GUCY1A2: variants seen among roughly 807,000 people sequenced by gnomAD.
GUCY1A2 encodes guanylate cyclase soluble subunit alpha-2.
In GUCY1A2, 27 loss-of-function variants were observed where a neutral mutation model predicts 63.5. The ratio of observed to expected loss-of-function variants is 0.43; its 90% CI spans 0.31 to 0.59. The LOEUF (loss-of-function observed/expected upper bound fraction) is 0.59. GUCY1A2 is among the 20% of genes least tolerant of loss of function. The probability of loss-of-function intolerance (pLI) is 0.11; values close to 1 mark genes in which losing one functional copy is unlikely to be tolerated. For missense variants in GUCY1A2, 768 were observed against 913.3 expected, an observed-to-expected ratio of 0.84 and a Z score of 2.05; for synonymous variants, 364 against 343.5, an observed-to-expected ratio of 1.06 and a Z score of -0.66.
intron 3 of GUCY1A2, among the ~76,000 whole-genome samples, chr11:106,975,255 G>A (rs1232790581): frequency 6.6e-6 from 1 of 152,028 alleles, no homozygotes; most frequent in African/African-American, 2.4e-5. Flanking sequence ...CAACATTTCA[G>A]CAGAAAACAT....
intron 4 of GUCY1A2, among the ~76,000 whole-genome samples, chr11:106,837,319 G>GA (rs1389110210): frequency 6.6e-6 from 1 of 151,838 alleles, no homozygotes; most frequent in Non-Finnish European, 1.5e-5. Context: ...CCTTGCAAAG[G>GA]ATGTGATGTA....
chr11:106,867,597 A>T (rs1859612922), intron 4 of GUCY1A2, among the ~76,000 whole-genome samples: 1 of 152,132 alleles, frequency 6.6e-6, no homozygotes, highest in Non-Finnish European at 1.5e-5. Flanking sequence ...TATTTAATAT[A>T]AGATGAAATA....
At chr11:106,774,679 A>AC (rs1864323680) in intron 6 of GUCY1A2, among the ~76,000 whole-genome samples, 1 of 149,526 alleles carries the variant, frequency 6.7e-6, no homozygotes, top group Non-Finnish European at 1.5e-5. Flanking sequence ...ACATCTTTCC[A>AC]CTCTCTCCGC....
intron 5 of GUCY1A2, among the ~76,000 whole-genome samples, chr11:106,804,656 A>C (rs1028493627): frequency 1.1e-4 from 16 of 152,138 alleles, no homozygotes; most frequent in African/African-American, 3.9e-4. Flanking sequence ...GACAAATCAA[A>C]ATTCTTGAGG....
At chr11:106,848,317 T>C (rs768274347) in intron 4 of GUCY1A2, among the ~76,000 whole-genome samples, 11 of 151,678 alleles carry the variant, frequency 7.3e-5, no homozygotes, top group African/African-American at 2.7e-4. Flanking sequence ...ATGAAATAAT[T>C]GATTTTTCAG....
chr11:106,736,450 A>C (rs1863590886), intron 6 of GUCY1A2, among the ~76,000 whole-genome samples: 1 of 151,962 alleles, frequency 6.6e-6, no homozygotes, highest in Non-Finnish European at 1.5e-5. Flanking sequence ...CAGATGTATA[A>C]ATTTATTTCT....
intron 4 of GUCY1A2, among the ~76,000 whole-genome samples, chr11:106,937,467 C>A (rs1199367308): frequency 6.6e-6 from 1 of 152,102 alleles, no homozygotes; most frequent in Admixed American, 6.6e-5. Flanking sequence ...AAAGCAACAA[C>A]ATTGATAATA....
intron 1 of GUCY1A2, among the ~76,000 whole-genome samples, chr11:107,010,846 T>G (rs139034279): frequency 5.7e-4 from 86 of 152,176 alleles, no homozygotes; most frequent in African/African-American, 2.0e-3. Flanking sequence ...TTCTCCTGCC[T>G]CAGCCTCCCA....
chr11:106,954,465 G>A (rs1165995586), intron 3 of GUCY1A2, among the ~76,000 whole-genome samples: 1 of 152,162 alleles, frequency 6.6e-6, no homozygotes, highest in Non-Finnish European at 1.5e-5. Flanking sequence ...ATGTGGCACA[G>A]GAGAAGGACG....
intron 4 of GUCY1A2, among the ~76,000 whole-genome samples, chr11:106,884,930 A>G (rs374872674): frequency 6.6e-6 from 1 of 152,126 alleles, no homozygotes; most frequent in Non-Finnish European, 1.5e-5. Flanking sequence ...AGGTAGCTCA[A>G]TTCCCGGCCT....
intron 4 of GUCY1A2, among the ~76,000 whole-genome samples, chr11:106,928,194 C>T (rs1860554156): frequency 6.6e-6 from 1 of 152,162 alleles, no homozygotes; most frequent in African/African-American, 2.4e-5. Context: ...CCTCACACCT[C>T]TTCTACAGTG....
At chr11:106,752,283 T>A (rs906623792) in intron 6 of GUCY1A2, among the ~76,000 whole-genome samples, 1 of 152,152 alleles carries the variant, frequency 6.6e-6, no homozygotes, top group Non-Finnish European at 1.5e-5. Context: ...TTGGTGAATA[T>A]GGTAAAGAGA....
At chr11:106,997,578 G>C (rs1472095679) in intron 1 of GUCY1A2, among the ~76,000 whole-genome samples, 13 of 151,346 alleles carry the variant, frequency 8.6e-5, no homozygotes, top group Admixed American at 7.9e-4. Context: ...TCCTTAACAA[G>C]TCAACAAAGT....
At chr11:106,826,376 T>C in intron 4 of GUCY1A2, 1 of 1,530,204 alleles carries the variant, frequency 6.5e-7, no homozygotes, top group East Asian at 2.3e-5. Context: ...ATATGATTCT[T>C]GAAGAAATTC....
intron 4 of GUCY1A2, among the ~76,000 whole-genome samples, chr11:106,935,862 TA>T (rs138814033): frequency 2.6e-4 from 36 of 140,554 alleles, no homozygotes; most frequent in Admixed American, 1.3e-3. Context: ...AAAAAAAAAT[TA>T]AAAAAAAAAT....
At position 106,674,689 on chromosome 11, in the gene GUCY1A2, A is replaced by G. The variant is rs569744693; in HGVS notation, c.*12860T>C. 2.8e-4 allele frequency: 54 copies of G among 193,532 alleles called. 2 individuals carry two copies. The South Asian group carries it at 0.01, about 36-fold the overall frequency. 12.0% of individuals were successfully genotyped at this position (193,532 alleles called of 1,614,324 possible). A position where few individuals can be genotyped will look rare whatever the true frequency, so the allele number is the denominator to read the frequency against. On this transcript the variant is annotated 3_prime_UTR_variant, in exon 8 of 8. Transcript: ENST00000526355. ...AAGTTTTTGATAACTCAATTTTTAAAAGATATTATTCACAAAGTAAATCTA... is the reference window on the plus strand; with the variant it reads ...AAGTTTTTGATAACTCAATTTTTAAGAGATATTATTCACAAAGTAAATCTA...
intron 4 of GUCY1A2, among the ~76,000 whole-genome samples, chr11:106,851,451 C>G (rs749784390): frequency 1.3e-5 from 2 of 151,870 alleles, no homozygotes; most frequent in Non-Finnish European, 2.9e-5. Flanking sequence ...AAGTGTTTCC[C>G]TATGCTTTCT....
rs1365004385 is a variant in GUCY1A2, at chr11:106,682,388, C to T, written c.*5161G>A. 2 of 212,424 alleles carry T rather than the reference C, an allele frequency of 9.4e-6. No homozygotes were observed. The highest frequency in any genetic ancestry group is 2.3e-5 in the African/African-American group (1 of 43,870). The allele number at this position is 212,424 out of a possible 1,614,324, so 13.2% of individuals were successfully genotyped here. On this transcript the variant is annotated 3_prime_UTR_variant, in exon 8 of 8. Coordinates refer to ENST00000526355, the MANE Select transcript of GUCY1A2 (RefSeq NM_000855.3). ...ATTACTTAGAGTGATTTTCTAAACA[C>T]AGATTCCTAGGCCCTACCTGAGACC...
intron 6 of GUCY1A2, among the ~76,000 whole-genome samples, chr11:106,733,056 T>C (rs922631709): frequency 3.3e-5 from 5 of 152,162 alleles, no homozygotes; most frequent in South Asian, 2.1e-4. Flanking sequence ...CTTTCAACAC[T>C]ATAATGGTTT....
Sources: gnomAD v4.1 joint callset for allele counts (sites outside exome capture counted in the v4.1 genomes callset) on GRCh38, gnomAD v4.1.1 for gene constraint, MANE v1.5 for transcripts, NCBI Gene and HGNC (gene_info 2026-07-23, HGNC 2026-07-21) for gene names.